Variants in MDM2 observed in about 807,000 individuals in gnomAD.
MDM2 encodes the protein MDM2 proto-oncogene.
MDM2 carries 11 observed loss-of-function variants against 64.3 expected under a neutral mutation model. The ratio of observed to expected loss-of-function variants is 0.17; its 90% CI spans 0.11 to 0.28. MDM2 has a LOEUF of 0.28. Among genes scored for constraint, MDM2 ranks in the 10% least tolerant of loss-of-function variants. The probability of loss-of-function intolerance (pLI) is 1.00; values close to 1 mark genes in which losing one functional copy is unlikely to be tolerated. For synonymous variants in MDM2, 194 were observed against 192.9 expected (o/e 1.01, Z -0.05); for missense variants, 388 against 577.1 (o/e 0.67, Z 3.36).
At chr12:68,847,471 T>TTTTTTTTTG (rs1592616728), downstream of MDM2, 1 of 141,358 alleles carries the variant, frequency 7.1e-6, no homozygotes, top group Non-Finnish European at 1.5e-5. Context: ...TTTTTTTTTT[T>TTTTTTTTTG]GAGACGGAGT....
At chr12:68,820,049 T>A (rs1448256829) in intron 4 of MDM2, among the ~76,000 whole-genome samples, 1 of 152,188 alleles carries the variant, frequency 6.6e-6, no homozygotes, top group Admixed American at 6.5e-5. Context: ...GGTCTTCTGG[T>A]AAAGTCCAAA....
chr12:68,833,126 C>CA lies in MDM2; in HGVS notation c.685-2679dup, dbSNP rs35815088. ...GGGTGACAGAGCGAGACTCTGTCTC[C>CA]AAAAAAAAAAAAAAAAAAAAAAAAT... On this transcript the variant is annotated intron_variant, in intron 8 of 10. Transcript: ENST00000258149. Among the ~76,000 whole-genome samples, 534 of 61,634 alleles carry CA rather than the reference C, an allele frequency of 8.7e-3. 16 individuals are homozygous for CA. Among genetic ancestry groups the CA allele is most frequent in the Admixed American group, 0.04 (131 of 3,248 alleles). The allele number at this position is 61,634 out of a possible 152,430, so 40.4% of individuals were successfully genotyped here.
rs752932923 is a variant in MDM2 at position 68,835,924 on chromosome 12, C to T, written c.780C>T (p.Leu260=). Residue 260 remains leucine, a synonymous_variant, in exon 9 of 11, where the codon CTC becomes CTT. Coordinates refer to ENST00000258149, the MANE Select transcript of MDM2 (RefSeq NM_002392.6). Reference sequence around the variant, plus strand: ...GTGTAGAATTTGAAGTTGAATCTCTCGACTCAGAAGATTATAGCCTTAGTG... The same window carrying T: ...GTGTAGAATTTGAAGTTGAATCTCTTGACTCAGAAGATTATAGCCTTAGTG... The part of the protein sequence containing the change: ...QFSVEFEVES[L]DSEDYSLSEE... 5 of 1,613,514 alleles carry T rather than the reference C, an allele frequency of 3.1e-6. No homozygotes were observed. Among genetic ancestry groups the T allele is most frequent in the Non-Finnish European group, 2.5e-6 (3 of 1,179,634 alleles).
intron 4 of MDM2, among the ~76,000 whole-genome samples, chr12:68,817,760 A>G (rs912035884): frequency 1.3e-5 from 2 of 151,938 alleles, no homozygotes; most frequent in Non-Finnish European, 2.9e-5. Flanking sequence ...TCTGAAAAAA[A>G]AATTTTTTTA....
intron 2 of MDM2, among the ~76,000 whole-genome samples, chr12:68,810,909 A>T (rs1880831486): frequency 6.6e-6 from 1 of 151,852 alleles, no homozygotes; most frequent in Non-Finnish European, 1.5e-5. Context: ...CCTGTTGCCC[A>T]GGCTGGAGTG....
intron 8 of MDM2, among the ~76,000 whole-genome samples, chr12:68,833,278 TA>T (rs1882995214): frequency 1.4e-5 from 1 of 70,382 alleles, no homozygotes; most frequent in Non-Finnish European, 3.8e-5. Flanking sequence ...TATATTTATA[TA>T]AATATAAATA....
intron 2 of MDM2, among the ~76,000 whole-genome samples, 189 bp from the exon 3 acceptor site, chr12:68,813,365 C>G (rs72550804): frequency 0.067 from 10,177 of 152,168 alleles, 1,123 homozygotes; most frequent in African/African-American, 0.23. Flanking sequence ...AATCTTTGCT[C>G]TTTTGGATTG....
chr12:68,830,433 G>A (rs1018907198), intron 8 of MDM2, among the ~76,000 whole-genome samples: 14 of 152,206 alleles, frequency 9.2e-5, no homozygotes, highest in African/African-American at 3.4e-4. Flanking sequence ...CTCCTGCTCA[G>A]TCTGAGAGCA....
chr12:68,820,403 A>G lies in MDM2; in HGVS notation c.358+29A>G, dbSNP rs1303645975. The G allele has an allele frequency of 2.6e-6, 4 of 1,556,822 alleles. No homozygotes were observed. In the Admixed American group the frequency reaches 5.5e-5, roughly 21 times the overall value. ...AGTTAATTTTGAGCATCATGGATAAATACCATAAAAACGTTTTAAAGACAT... is the reference window on the plus strand; with the variant it reads ...AGTTAATTTTGAGCATCATGGATAAGTACCATAAAAACGTTTTAAAGACAT... On this transcript the variant is annotated intron_variant, in intron 5 of 10. Transcript: ENST00000258149.
chr12:68,839,181 A>G (rs941826431), intron 10 of MDM2, 93 bp from the exon 11 acceptor site: 1 of 1,139,528 alleles, frequency 8.8e-7, no homozygotes. Context: ...CCTATGATAT[A>G]CTTTACCTTA....
chr12:68,829,635 G>A (rs1026831010), intron 8 of MDM2, among the ~76,000 whole-genome samples: 26 of 151,988 alleles, frequency 1.7e-4, no homozygotes, highest in Admixed American at 7.2e-4. Context: ...GCGTGGTGGC[G>A]CATGCTTGCA....
At chr12:68,814,884 A>AT (rs1881214331) in intron 3 of MDM2, among the ~76,000 whole-genome samples, 1 of 152,222 alleles carries the variant, frequency 6.6e-6, no homozygotes, top group Admixed American at 6.5e-5. Context: ...TACTTAAAAC[A>AT]TTTAAGTTTC....
rs1883827062 is a variant in MDM2, at chr12:68,842,235, G to C, written c.*2386G>C. The C allele has an allele frequency of 4.0e-6, 2 of 498,078 alleles. No homozygotes were observed. The highest frequency in any genetic ancestry group is 3.1e-5 in the South Asian group (2 of 64,910). 30.9% of individuals were successfully genotyped at this position (498,078 alleles called of 1,614,324 possible). On this transcript the variant is annotated 3_prime_UTR_variant, in exon 11 of 11. Coordinates refer to ENST00000258149, the MANE Select transcript of MDM2 (RefSeq NM_002392.6). The stretch of plus-strand genomic sequence containing the variant: ...ACAAATGCCAAGCTATATTTATAAT[G>C]AACAAATTCAAGAAAAAGGACTACG...
intron 4 of MDM2, among the ~76,000 whole-genome samples, chr12:68,819,321 G>A (rs766424502): frequency 1.3e-5 from 2 of 152,120 alleles, no homozygotes; most frequent in Non-Finnish European, 2.9e-5. Context: ...GAATACTGGG[G>A]TAAATGAATT....
intron 8 of MDM2, among the ~76,000 whole-genome samples, chr12:68,830,794 C>G (rs533778553): frequency 6.6e-6 from 1 of 152,032 alleles, no homozygotes; most frequent in Non-Finnish European, 1.5e-5. Context: ...TCCACCTCCC[C>G]GGTTCAGGCG....
chr12:68,846,530 C>T (rs949794437), downstream of MDM2: 1 of 152,144 alleles, frequency 6.6e-6, no homozygotes, highest in African/African-American at 2.4e-5. Flanking sequence ...GTAGGCCTTC[C>T]TTCAAGATCA....
chr12:68,832,052 G>C (rs1490515350), intron 8 of MDM2, among the ~76,000 whole-genome samples: 3 of 152,074 alleles, frequency 2.0e-5, no homozygotes, highest in Non-Finnish European at 4.4e-5. Flanking sequence ...CCTGGGCAAC[G>C]AGAACGAAAT....
In MDM2 at chr12:68,843,237, C is replaced by G. The variant is rs1324572402; in HGVS notation, c.*3388C>G. 1 of 224,928 alleles carries G rather than the reference C, an allele frequency of 4.4e-6. No homozygotes were observed. Among genetic ancestry groups the G allele is most frequent in the African/African-American group, 2.2e-5 (1 of 44,784 alleles). 13.9% of individuals were successfully genotyped at this position (224,928 alleles called of 1,614,324 possible). A position where few individuals can be genotyped will look rare whatever the true frequency, so the allele number is the denominator to read the frequency against. On this transcript the variant is annotated 3_prime_UTR_variant, in exon 11 of 11. Coordinates refer to ENST00000258149, the MANE Select transcript of MDM2 (RefSeq NM_002392.6). The stretch of plus-strand genomic sequence containing the variant: ...AGTTCTAGCTGAAGTATTATGAACT[C>G]CAAATAATGCTTTGAGGACCTCCAA...
At chr12:68,810,184 C>T (rs1256502743) in intron 2 of MDM2, among the ~76,000 whole-genome samples, 2 of 151,792 alleles carry the variant, frequency 1.3e-5, no homozygotes, top group African/African-American at 2.4e-5. Context: ...TGGTGGCGCG[C>T]GCCTATAATC....
Sources: allele counts gnomAD v4.1 joint callset (sites outside exome capture counted in the v4.1 genomes callset), GRCh38; gene constraint gnomAD v4.1.1; transcripts MANE v1.5; gene names NCBI Gene and HGNC (gene_info 2026-07-23, HGNC 2026-07-21).